The following PHF1 variants were observed in gnomAD, a reference collection of about 807,000 sequenced individuals.
PHF1 encodes the protein polycomb-like 1.
A neutral mutation model predicts 69.4 loss-of-function variants in PHF1; 16 were observed. The observed-to-expected ratio is 0.23, with a 90% confidence interval of 0.16 to 0.35. The LOEUF is 0.35. Ranked by LOEUF, PHF1 falls within the 10% of genes least tolerant of loss-of-function variation. PHF1 has a pLI of 1.00. For missense variants in PHF1, 515 were observed against 732.8 expected (o/e 0.70, Z 3.43); for synonymous variants, 274 against 275.0 (o/e 1.00, Z 0.04).
Position 33,416,120 on chromosome 6 carries a change from C to G in PHF1, c.*22C>G, listed in dbSNP as rs373555262. ...CTGAACAGCCTGCCTCTGCCCAGCT[C>G]CCCATTCACACACACCGGCACTTTC... On this transcript the variant is annotated 3_prime_UTR_variant, in exon 15 of 15. Transcript: ENST00000374516. 139 of 1,513,884 alleles carry G rather than the reference C, an allele frequency of 9.2e-5. No homozygotes were observed. The highest frequency in any genetic ancestry group is 1.2e-4 in the Non-Finnish European group (136 of 1,134,098). The allele number at this position is 1,513,884 out of a possible 1,614,324, so 93.8% of individuals were successfully genotyped here.
chr6:33,415,474 G>A, intron 13 of PHF1, 116 bp from the exon 14 acceptor site: 1 of 1,264,320 alleles, frequency 7.9e-7, no homozygotes, highest in African/African-American at 1.5e-5. Context: ...GTGTCTGGTA[G>A]CCAGTATTCT....
At position 33,414,908 on chromosome 6, in the gene PHF1, T is replaced by TG. The variant is rs1776332716; in HGVS notation, c.1050-42dup. 3 of 1,065,252 alleles carry TG rather than the reference T, an allele frequency of 2.8e-6. No individual in the cohort carries two copies. Among genetic ancestry groups the TG allele is most frequent in the South Asian group, 3.0e-5 (2 of 66,758 alleles). 66.0% of individuals were successfully genotyped at this position (1,065,252 alleles called of 1,614,324 possible). A position where few individuals can be genotyped will look rare whatever the true frequency, so the allele number is the denominator to read the frequency against. The stretch of plus-strand genomic sequence containing the variant: ...TATATGTATAGAGATGGGGAGGTCT[T>TG]GGGGGTGTCCGGGAGGGGGCTGGGG... On this transcript the variant is annotated intron_variant, in intron 11 of 14. Coordinates refer to ENST00000374516, the MANE Select transcript of PHF1 (RefSeq NM_024165.3). This position sits in a 1 kb window ranked among gnomAD's most constrained non-coding sequence, Gnocchi z 5.0.
At chr6:33,411,326 A>G (rs1453153332) in intron 1 of PHF1, 111 bp downstream of exon 1, 1 of 151,936 alleles carries the variant, frequency 6.6e-6, no homozygotes, top group Admixed American at 6.5e-5. Flanking sequence ...GGGCCGACAC[A>G]AGTCCCTTCT....
chr6:33,411,367 G>A (rs1347337301), intron 1 of PHF1, among the ~76,000 whole-genome samples, 152 bp downstream of exon 1: 2 of 152,230 alleles, frequency 1.3e-5, no homozygotes, highest in African/African-American at 2.4e-5. Context: ...GTAGAGACCG[G>A]GACTGGGACA....
chr6:33,412,640 C>T lies in PHF1; in HGVS notation c.241+51C>T. 1 of 1,610,924 alleles carries T rather than the reference C, an allele frequency of 6.2e-7. No individual in the cohort carries two copies. On this transcript the variant is annotated intron_variant, in intron 3 of 14. Coordinates refer to ENST00000374516, the MANE Select transcript of PHF1 (RefSeq NM_024165.3). The surrounding 1 kb of genome is among the most constrained non-coding windows in gnomAD (Gnocchi z 4.2). Reference sequence around the variant, plus strand: ...CACATCCCATGGAAAACAAACCTGGCCTAGAGGGGCAGAAAGAGACTTAAA... The same window carrying T: ...CACATCCCATGGAAAACAAACCTGGTCTAGAGGGGCAGAAAGAGACTTAAA...
chr6:33,415,508 A>G (rs898182538), intron 13 of PHF1, 82 bp from the exon 14 acceptor site: 11 of 1,411,412 alleles, frequency 7.8e-6, no homozygotes, highest in Non-Finnish European at 1.1e-5. Flanking sequence ...CCTTGGGGGT[A>G]GTGTTTGAGC....
In PHF1 at chr6:33,413,843, G is replaced by A. The variant is rs1321400590; in HGVS notation, c.683+12G>A. On this transcript the variant is annotated intron_variant, in intron 7 of 14. Transcript: ENST00000374516. ...CTCTATGGGGACAGGTGAGACCAAG[G>A]CAGACTCTCTAGGAGCCAAGGATGC... The A allele has an allele frequency of 6.2e-7, 1 of 1,610,582 alleles. No homozygotes were observed. The highest frequency in any genetic ancestry group is 1.3e-5 in the African/African-American group (1 of 74,858).
At chr6:33,413,711 C>A in intron 6 of PHF1, 25 bp from the exon 7 acceptor site, 5 of 1,608,660 alleles carry the variant, frequency 3.1e-6, no homozygotes, top group Non-Finnish European at 4.3e-6. Flanking sequence ...TTTCTGGAGG[C>A]CAGAAGTCCT....
Position 33,416,340 on chromosome 6 carries a change from A to AT in PHF1, c.*248dup. 1 of 466,746 alleles carries AT rather than the reference A, an allele frequency of 2.1e-6. No individual in the cohort carries two copies. The highest frequency in any genetic ancestry group is 3.8e-6 in the Non-Finnish European group (1 of 265,622). The allele number at this position is 466,746 out of a possible 1,614,324, so 28.9% of individuals were successfully genotyped here. ...GTTATTTTGTTACAGCTTTTTAAAT[A>AT]TTTTTTAAAATTATTTAACCCCTGG... On this transcript the variant is annotated 3_prime_UTR_variant, in exon 15 of 15. Transcript: ENST00000374516.
chr6:33,412,898 C>G lies in PHF1; in HGVS notation c.337+105C>G. The G allele has an allele frequency of 2.1e-6, 2 of 962,600 alleles. No individual in the cohort carries two copies. 59.6% of individuals were successfully genotyped at this position (962,600 alleles called of 1,614,324 possible). ...TCCCCAAGCCACTGCTCTGGCCAGG[C>G]TGCTTAGCCTTATCTTAGTCCTCAT... On this transcript the variant is annotated intron_variant, in intron 4 of 14. Coordinates refer to ENST00000374516, the MANE Select transcript of PHF1 (RefSeq NM_024165.3). This position sits in a 1 kb window ranked among gnomAD's most constrained non-coding sequence, Gnocchi z 4.2.
intron 6 of PHF1, 61 bp from the exon 7 acceptor site, chr6:33,413,675 G>A (rs1776239988): frequency 1.2e-6 from 2 of 1,600,418 alleles, no homozygotes; most frequent in East Asian, 2.2e-5. Flanking sequence ...TAAGTTTAGG[G>A]TTTGGGACAG....
rs967614210 is a variant in PHF1 at position 33,411,028 on chromosome 6, G to T, written c.-204G>T. On this transcript the variant is annotated 5_prime_UTR_variant, in exon 1 of 15. Coordinates refer to ENST00000374516, the MANE Select transcript of PHF1 (RefSeq NM_024165.3). Reference sequence around the variant, plus strand: ...CCCCCCGCCGCCTCCTCCTCCTGCCGCTGCCGCTGCTTTGGCTGCTGCGTC... The same window carrying T: ...CCCCCCGCCGCCTCCTCCTCCTGCCTCTGCCGCTGCTTTGGCTGCTGCGTC... 2.1e-5 allele frequency: 3 copies of T among 141,874 alleles called. No homozygotes were observed. Among genetic ancestry groups the T allele is most frequent in the Admixed American group, 1.4e-4 (2 of 13,982 alleles). The allele number at this position is 141,874 out of a possible 1,614,324, so 8.8% of individuals were successfully genotyped here.
Position 33,414,534 on chromosome 6 carries a change from C to T in PHF1, c.934C>T (p.His312Tyr), listed in dbSNP as rs769506496. Residue 312 changes from histidine (H) to tyrosine (Y), a missense_variant, in exon 10 of 15, where the codon CAC becomes TAC. By Grantham distance (83) the His-to-Tyr change is moderately conservative. Coordinates refer to ENST00000374516, the MANE Select transcript of PHF1 (RefSeq NM_024165.3). This position sits in a 1 kb window ranked among gnomAD's most constrained non-coding sequence, Gnocchi z 5.0. ...SSRLLSALNS[H>Y]KDRFISGREI... ...CAGGCTCCTCTCTGCTCTTAACAGCCACAAGGACCGGTGAGTTGGAGGGAA... is the reference window on the plus strand; with the variant it reads ...CAGGCTCCTCTCTGCTCTTAACAGCTACAAGGACCGGTGAGTTGGAGGGAA... The T allele has an allele frequency of 4.3e-6, 7 of 1,613,848 alleles. No individual in the cohort carries two copies. Among genetic ancestry groups the T allele is most frequent in the Non-Finnish European group, 4.2e-6 (5 of 1,179,786 alleles).
chr6:33,415,285 C>G lies in PHF1; in HGVS notation c.1290C>G (p.Ser430Arg). 6.2e-7 allele frequency: 1 copy of G among 1,613,850 alleles called. No individual in the cohort carries two copies. Among genetic ancestry groups the G allele is most frequent in the South Asian group, 1.1e-5 (1 of 91,076 alleles). ...GCCCTAACCAGAGTTACCAGGGCAG[C>G]AGCGGCTACAACTTCCGGCCCACAG... ...SPSPNQSYQG[S>R]SGYNFRPTDA... The change falls in exon 13 of 15, where the codon AGC becomes AGG. Residue 430 changes from serine to arginine, a missense_variant. Ser to Arg is a moderately radical substitution (Grantham distance 110). Coordinates refer to ENST00000374516, the MANE Select transcript of PHF1 (RefSeq NM_024165.3).
At chr6:33,413,953 T>A in intron 7 of PHF1, 88 bp from the exon 8 acceptor site, 1 of 1,565,438 alleles carries the variant, frequency 6.4e-7, no homozygotes, top group Non-Finnish European at 8.8e-7. Context: ...TTACCTCACC[T>A]GTTTGCCCCG....
Position 33,414,618 on chromosome 6 carries a change from G to C in PHF1, c.944+74G>C, listed in dbSNP as rs888519125. On this transcript the variant is annotated intron_variant, in intron 10 of 14. Transcript: ENST00000374516. The surrounding 1 kb of genome is among the most constrained non-coding windows in gnomAD (Gnocchi z 5.0). Reference sequence around the variant, plus strand: ...AGAGTGGAAGCCTGGAAGGGGAGGGGCTTGCAACCCACCTGGAAGACTGTG... The same window carrying C: ...AGAGTGGAAGCCTGGAAGGGGAGGGCCTTGCAACCCACCTGGAAGACTGTG... 2 of 1,565,692 alleles carry C rather than the reference G, an allele frequency of 1.3e-6. No homozygotes were observed. Among genetic ancestry groups the C allele is most frequent in the East Asian group, 4.5e-5 (2 of 44,100 alleles).
In PHF1 at chr6:33,415,802, C is replaced by A; in HGVS notation, c.1416-8C>A. The A allele has an allele frequency of 6.3e-7, 1 of 1,595,398 alleles. No individual in the cohort carries two copies. On this transcript the variant is annotated splice_polypyrimidine_tract_variant and splice_region_variant and intron_variant, in intron 14 of 14. Transcript: ENST00000374516. ...TGCCCATTTCTTACAATTGCCTTCT[C>A]TCCCTAGGTCACCCCTGGAACTTCA... is the stretch of plus-strand genomic sequence containing the variant.
chr6:33,414,845 G>A lies in PHF1; in HGVS notation c.1049+16G>A. The A allele has an allele frequency of 3.1e-6, 5 of 1,606,806 alleles. No individual in the cohort carries two copies. Among genetic ancestry groups the A allele is most frequent in the Non-Finnish European group, 3.4e-6 (4 of 1,174,886 alleles). On this transcript the variant is annotated intron_variant, in intron 11 of 14. Coordinates refer to ENST00000374516, the MANE Select transcript of PHF1 (RefSeq NM_024165.3). This position sits in a 1 kb window ranked among gnomAD's most constrained non-coding sequence, Gnocchi z 5.0. The stretch of plus-strand genomic sequence containing the variant: ...CACTCACCAGGTCACTGGTCCAGGG[G>A]GGATGGGGGAAATTCTCAGGGTGTT...
At chr6:33,413,988 G>A in intron 7 of PHF1, 53 bp from the exon 8 acceptor site, 2 of 1,607,124 alleles carry the variant, frequency 1.2e-6, no homozygotes, top group East Asian at 2.2e-5. Context: ...TCTTCCAGGG[G>A]ATGGCACAGT....
Sources: allele counts gnomAD v4.1 joint callset (sites outside exome capture counted in the v4.1 genomes callset), GRCh38; gene constraint gnomAD v4.1.1; non-coding constraint Gnocchi (gnomAD v3.1); transcripts MANE v1.5; gene names NCBI Gene and HGNC (gene_info 2026-07-23, HGNC 2026-07-21).